The following PFKFB3 variants were observed in gnomAD, a reference collection of about 807,000 sequenced individuals.
PFKFB3 encodes 6-phosphofructo-2-kinase/fructose-2,6-bisphosphatase 3.
In PFKFB3, 33 loss-of-function variants were observed where a neutral mutation model predicts 68.0. The observed-to-expected ratio is 0.49, with a 90% CI of 0.37 to 0.65. PFKFB3 has a LOEUF of 0.65. Among genes scored for constraint, PFKFB3 ranks in the 30% least tolerant of loss-of-function variants. PFKFB3 has a pLI of 0.00. For missense variants in PFKFB3, 586 were observed against 712.2 expected (o/e 0.82, Z 2.02); for synonymous variants, 315 against 288.2 (o/e 1.09, Z -0.94).
At chr10:6,279,397 A>G in the PFKFB3 span, among the ~76,000 whole-genome samples, 1,288 of 152,348 alleles carry the variant, frequency 8.5e-3, 4 homozygotes, top group Non-Finnish European at 0.015. Context: ...TCGGGTTTCT[A>G]TCAACCTTGG....
At chr10:6,319,932 C>T in the PFKFB3 span, among the ~76,000 whole-genome samples, 1 of 152,170 alleles carries the variant, frequency 6.6e-6, no homozygotes, top group Non-Finnish European at 1.5e-5. Flanking sequence ...GGCGCAGTGG[C>T]ACATGTCTGT....
At chr10:6,177,438 C>CCCTTTCTTTCTT (rs1554842947) in intron 1 of PFKFB3, among the ~76,000 whole-genome samples, 7 of 86,718 alleles carry the variant, frequency 8.1e-5, no homozygotes, top group Non-Finnish European at 1.4e-4. Flanking sequence ...TCTTTTCTTT[C>CCCTTTCTTTCTT]TCTTTCTTTC....
intron 1 of PFKFB3, among the ~76,000 whole-genome samples, chr10:6,193,672 G>T (rs1347709633): frequency 6.6e-6 from 1 of 152,254 alleles, no homozygotes; most frequent in Admixed American, 6.5e-5. Flanking sequence ...GTCAGCAAAG[G>T]GTGGTGGGAT....
chr10:6,318,461 C>T, the PFKFB3 span, among the ~76,000 whole-genome samples: 1 of 152,218 alleles, frequency 6.6e-6, no homozygotes, highest in Non-Finnish European at 1.5e-5. Flanking sequence ...GGTGAGCTCT[C>T]CTTCTTCCCC....
At chr10:6,264,025 A>T in the PFKFB3 span, among the ~76,000 whole-genome samples, 1 of 152,148 alleles carries the variant, frequency 6.6e-6, no homozygotes, top group Admixed American at 6.5e-5. Context: ...TTTGCCTTTT[A>T]GCTGTACCTA....
chr10:6,220,907 C>T lies in PFKFB3; in HGVS notation c.831+42C>T, dbSNP rs373961870. On this transcript the variant is annotated intron_variant, in intron 8 of 14. Coordinates refer to ENST00000379775, the MANE Select transcript of PFKFB3 (RefSeq NM_004566.4). This position sits in a 1 kb window ranked among gnomAD's most constrained non-coding sequence, Gnocchi z 4.1. Reference sequence around the variant, plus strand: ...CGCATGGGCCGTTCTGGCTGTAGGGCGGTTGCAGGGTCTATAGGGTGGGTG... The same window carrying T: ...CGCATGGGCCGTTCTGGCTGTAGGGTGGTTGCAGGGTCTATAGGGTGGGTG... The T allele has an allele frequency of 3.2e-5, 49 of 1,537,464 alleles. No individual in the cohort carries two copies. Among genetic ancestry groups the T allele is most frequent in the Middle Eastern group, 1.7e-4 (1 of 5,892 alleles).
chr10:6,206,438 G>A (rs4750082), intron 1 of PFKFB3, among the ~76,000 whole-genome samples: 107,791 of 107,820 alleles, frequency 1, 53,883 homozygotes, highest in Middle Eastern at 1. Flanking sequence ...CGCCATTGTC[G>A]TCATGGCCCG....
chr10:6,281,684 A>AAGTT, the PFKFB3 span, among the ~76,000 whole-genome samples: 2 of 152,070 alleles, frequency 1.3e-5, no homozygotes, highest in Non-Finnish European at 2.9e-5. Context: ...TTTTTAAAAA[A>AAGTT]AGTTATACTG....
At chr10:6,312,653 C>T in the PFKFB3 span, among the ~76,000 whole-genome samples, 3 of 152,072 alleles carry the variant, frequency 2.0e-5, no homozygotes, top group Non-Finnish European at 4.4e-5. Context: ...GGGTGCTGGC[C>T]GAGTTTTAAT....
At chr10:6,213,886 G>A in intron 2 of PFKFB3, 138 bp downstream of exon 2, 1 of 857,108 alleles carries the variant, frequency 1.2e-6, no homozygotes, top group East Asian at 2.5e-5. Context: ...CTCCCATGCA[G>A]CTGGGTCCCC....
the PFKFB3 span, among the ~76,000 whole-genome samples, chr10:6,294,436 C>T: frequency 1.3e-5 from 2 of 152,114 alleles, no homozygotes; most frequent in Admixed American, 6.5e-5. Flanking sequence ...GGCAAGAGAG[C>T]GTGTGCAGGG....
At chr10:6,239,226 G>T (rs558793939), downstream of PFKFB3, among the ~76,000 whole-genome samples, 3 of 152,268 alleles carry the variant, frequency 2.0e-5, no homozygotes, top group Admixed American at 2.0e-4. Flanking sequence ...ATTCATCTGA[G>T]CATGCATGCC....
the PFKFB3 span, among the ~76,000 whole-genome samples, chr10:6,292,270 T>TTTTTTTTC: frequency 7.8e-6 from 1 of 128,026 alleles, no homozygotes; most frequent in African/African-American, 3.2e-5. Context: ...AGTGTACTTT[T>TTTTTTTTC]TTTTTTTCTT....
At chr10:6,217,500 C>T (rs1161479041) in intron 6 of PFKFB3, among the ~76,000 whole-genome samples, 1 of 152,172 alleles carries the variant, frequency 6.6e-6, no homozygotes, top group East Asian at 1.9e-4. Flanking sequence ...GATGGAGCTG[C>T]TGGGGCAGAG....
chr10:6,225,200 C>G (rs1845257517), intron 13 of PFKFB3: 1 of 456,328 alleles, frequency 2.2e-6, no homozygotes, highest in Non-Finnish European at 4.4e-6. Flanking sequence ...CTAGTCAGAC[C>G]TTTCTCTTAG....
the PFKFB3 span, among the ~76,000 whole-genome samples, chr10:6,281,050 C>A: frequency 5.3e-5 from 8 of 150,692 alleles, no homozygotes; most frequent in African/African-American, 1.7e-4. Context: ...TGAGAACATG[C>A]GATGTTTGGT....
chr10:6,223,035 C>T lies in PFKFB3; in HGVS notation c.1213+51C>T, dbSNP rs146218776. ...GGATGGAGGGAGGAGGGGACTGGCA[C>T]TCGGCGGGGGGTCAGCCGCAGACCT... is the stretch of plus-strand genomic sequence containing the variant. On this transcript the variant is annotated intron_variant, in intron 11 of 14. Transcript: ENST00000379775. 12,960 of 1,574,962 alleles carry T rather than the reference C, an allele frequency of 8.2e-3. 149 individuals carry two copies. Among genetic ancestry groups the T allele is most frequent in the South Asian group, 0.03 (2,610 of 86,702 alleles).
At chr10:6,225,761 G>T (rs1380127890) in intron 13 of PFKFB3, among the ~76,000 whole-genome samples, 1 of 151,458 alleles carries the variant, frequency 6.6e-6, no homozygotes, top group Non-Finnish European at 1.5e-5. Context: ...CCTCGGGTCA[G>T]CGGAAGGGAG....
intron 1 of PFKFB3, among the ~76,000 whole-genome samples, chr10:6,205,931 G>A (rs187853373): frequency 1.3e-4 from 20 of 151,802 alleles, no homozygotes; most frequent in African/African-American, 3.9e-4. Context: ...TCCAGTAGCC[G>A]GGACTATAAG....
Sources: allele counts gnomAD v4.1 joint callset (sites outside exome capture counted in the v4.1 genomes callset), GRCh38; gene constraint gnomAD v4.1.1; non-coding constraint Gnocchi (gnomAD v3.1); transcripts MANE v1.5; gene names NCBI Gene and HGNC (gene_info 2026-07-23, HGNC 2026-07-21).